The following GLIS3 variants were observed in gnomAD, a reference collection of about 807,000 sequenced individuals.
GLIS3 encodes the protein GLIS family zinc finger 3.
In GLIS3, 53 loss-of-function variants were observed where a neutral mutation model predicts 78.6. That is an observed-to-expected ratio of 0.67 (90% CI 0.54 to 0.85). The LOEUF is 0.85. Among genes scored for constraint, GLIS3 ranks in the 40% least tolerant of loss-of-function variants. GLIS3 has a pLI of 0.00. For synonymous variants in GLIS3, 684 were observed against 509.9 expected, an observed-to-expected ratio of 1.34 and a Z score of -4.60; for missense variants, 1,703 against 1,231.1, an observed-to-expected ratio of 1.38 and a Z score of -5.74.
At chr9:4,135,144 C>T (rs73394544) in intron 2 of GLIS3, among the ~76,000 whole-genome samples, 2,370 of 152,276 alleles carry the variant, frequency 0.016, 74 homozygotes, top group African/African-American at 0.054. Flanking sequence ...ATTAGCTTAA[C>T]ACATGTCAAA....
At chr9:4,397,832 G>A in the GLIS3 span, among the ~76,000 whole-genome samples, 1 of 151,834 alleles carries the variant, frequency 6.6e-6, no homozygotes, top group Admixed American at 6.6e-5. Context: ...GCACCGCTGA[G>A]CAATCCAAAG....
intron 2 of GLIS3, among the ~76,000 whole-genome samples, chr9:4,331,874 GATTT>G (rs1286665536): frequency 2.0e-5 from 3 of 152,150 alleles, no homozygotes; most frequent in African/African-American, 2.4e-5. Context: ...GAGAAAATAT[GATTT>G]ATTACAGGAA....
At chr9:4,298,848 C>G (rs1355848236) in intron 1 of GLIS3, among the ~76,000 whole-genome samples, 1 of 152,166 alleles carries the variant, frequency 6.6e-6, no homozygotes, top group African/African-American at 2.4e-5. Flanking sequence ...CTCCCGCAAT[C>G]ATGGGGACAC....
rs146335681 is a variant in GLIS3 at position 4,092,995 on chromosome 9, G to A, written c.1710+24773C>T. Among the ~76,000 whole-genome samples the A allele has an allele frequency of 3.3e-3, 502 of 152,334 alleles. 2 individuals are homozygous for A. The highest frequency in any genetic ancestry group is 0.011 in the African/African-American group (477 of 41,576). On this transcript the variant is annotated intron_variant, in intron 4 of 10. Transcript: ENST00000381971. Reference sequence around the variant, plus strand: ...TGATGTGACATTAGCAATGACGTCAGTAGGTGATAGGAATTTTTCAGCTCC... The same window carrying A: ...TGATGTGACATTAGCAATGACGTCAATAGGTGATAGGAATTTTTCAGCTCC...
At chr9:4,066,039 T>TATA (rs1554686615) in intron 4 of GLIS3, among the ~76,000 whole-genome samples, 2 of 133,332 alleles carry the variant, frequency 1.5e-5, no homozygotes, top group African/African-American at 2.8e-5. Context: ...CCAAAGAATA[T>TATA]AAAAAAAAAA....
intron 4 of GLIS3, among the ~76,000 whole-genome samples, chr9:3,964,259 G>A (rs577726962): frequency 2.6e-5 from 4 of 152,236 alleles, no homozygotes; most frequent in South Asian, 2.1e-4. Flanking sequence ...TCTGAAGCTC[G>A]GAGCAAGCTC....
At chr9:4,243,849 C>A (rs887470571) in intron 2 of GLIS3, among the ~76,000 whole-genome samples, 1 of 152,210 alleles carries the variant, frequency 6.6e-6, no homozygotes, top group African/African-American at 2.4e-5. Flanking sequence ...AAAATCCCCA[C>A]CTAACCCACC....
the GLIS3 span, among the ~76,000 whole-genome samples, chr9:4,458,513 G>C: frequency 3.9e-5 from 6 of 152,228 alleles, no homozygotes; most frequent in East Asian, 1.9e-4. Context: ...CCAGGGGCCA[G>C]GTGCAGTGGC....
At chr9:4,398,013 C>G in the GLIS3 span, among the ~76,000 whole-genome samples, 2 of 152,082 alleles carry the variant, frequency 1.3e-5, no homozygotes, top group Non-Finnish European at 2.9e-5. Context: ...AGATGCCCCT[C>G]TCATTCTGAT....
intron 9 of GLIS3, among the ~76,000 whole-genome samples, chr9:3,832,282 CTG>C (rs1200486561): frequency 4.6e-5 from 7 of 151,574 alleles, no homozygotes; most frequent in South Asian, 2.1e-4. Context: ...TTTATAATGA[CTG>C]TATTTCTTAA....
At chr9:3,856,282 T>C (rs1819784333) in intron 8 of GLIS3, 98 bp from the exon 9 acceptor site, 3 of 1,073,700 alleles carry the variant, frequency 2.8e-6, no homozygotes, top group South Asian at 1.4e-5. Context: ...ATTCTGGCTA[T>C]ACAAGAGCGT....
intron 7 of GLIS3, among the ~76,000 whole-genome samples, chr9:3,880,531 C>G (rs150178803): frequency 4.8e-4 from 73 of 152,270 alleles, no homozygotes; most frequent in African/African-American, 1.6e-3. Flanking sequence ...TTATGCTGAG[C>G]TCCATACCCA....
chr9:4,090,749 G>C (rs1829428680), intron 4 of GLIS3, among the ~76,000 whole-genome samples: 1 of 152,192 alleles, frequency 6.6e-6, no homozygotes, highest in East Asian at 1.9e-4. Flanking sequence ...GAAGAGATAA[G>C]CTTAAGCACG....
chr9:3,908,383 C>T (rs553327650), intron 6 of GLIS3, among the ~76,000 whole-genome samples: 1 of 152,318 alleles, frequency 6.6e-6, no homozygotes, highest in South Asian at 2.1e-4. Flanking sequence ...GGCTCATGGA[C>T]ATAGACTTGT....
rs748815230 is a variant in GLIS3, at chr9:3,855,933, G to A, written c.2473+76C>T. The A allele has an allele frequency of 2.7e-5, 40 of 1,501,956 alleles. No homozygotes were observed. The South Asian group carries it at 4.2e-4, about 16-fold the overall frequency. The allele number at this position is 1,501,956 out of a possible 1,614,324, so 93.0% of individuals were successfully genotyped here. ...GTAGAACAGAGCATCTGAAATCCAC[G>A]ACAGGTAACTAAGATGAAAAGCAAC... is the stretch of plus-strand genomic sequence containing the variant. On this transcript the variant is annotated intron_variant, in intron 9 of 10. Coordinates refer to ENST00000381971, the MANE Select transcript of GLIS3 (RefSeq NM_001042413.2).
At chr9:4,078,288 G>A (rs1244076657) in intron 4 of GLIS3, among the ~76,000 whole-genome samples, 1 of 152,066 alleles carries the variant, frequency 6.6e-6, no homozygotes, top group Non-Finnish European at 1.5e-5. Context: ...TGGAGGTATG[G>A]AGTATCCTGC....
chr9:4,058,917 G>A (rs528415519), intron 4 of GLIS3, among the ~76,000 whole-genome samples: 40 of 151,798 alleles, frequency 2.6e-4, no homozygotes, highest in African/African-American at 9.7e-4. Flanking sequence ...AGGAGGTGGA[G>A]CTTGCAGTGA....
chr9:4,193,229 C>CT (rs1818494798), intron 2 of GLIS3, among the ~76,000 whole-genome samples: 1 of 152,164 alleles, frequency 6.6e-6, no homozygotes, highest in Admixed American at 6.5e-5. Flanking sequence ...TTTAAAACGG[C>CT]TTTGAAAAAT....
intron 2 of GLIS3, among the ~76,000 whole-genome samples, chr9:4,251,964 C>T (rs927630715): frequency 3.9e-5 from 6 of 152,082 alleles, no homozygotes; most frequent in South Asian, 2.1e-4. Context: ...GGGTTTGTGC[C>T]GAGAGATCTG....
Sources: gnomAD v4.1 joint callset for allele counts (sites outside exome capture counted in the v4.1 genomes callset) on GRCh38, gnomAD v4.1.1 for gene constraint, MANE v1.5 for transcripts, NCBI Gene and HGNC (gene_info 2026-07-23, HGNC 2026-07-21) for gene names.